SPTBN5: variants seen among roughly 807,000 people sequenced by gnomAD.
SPTBN5 encodes the protein spectrin beta, non-erythrocytic 5, also known as spectrin beta chain, non-erythrocytic 5.
SPTBN5 carries 513 observed loss-of-function variants against 477.6 expected under a neutral mutation model. That is an observed-to-expected ratio of 1.07 (90% CI 1.00 to 1.16). The LOEUF (loss-of-function observed/expected upper bound fraction) is 1.16, where lower values mean the gene tolerates loss of function less well. Ranked by LOEUF, SPTBN5 falls within the 50% of genes most tolerant of loss-of-function variation. The pLI, the probability that SPTBN5 is intolerant of heterozygous loss-of-function variation, is 0.00. For synonymous variants in SPTBN5, 2,169 were observed against 2,011.7 expected (o/e 1.08, Z -2.09); for missense variants, 5,062 against 4,731.8 (o/e 1.07, Z -2.05).
rs1489179240 is a variant in SPTBN5, at chr15:41,854,113, C to A, written c.9711G>T (p.Gly3237=). 1.9e-6 allele frequency: 3 copies of A among 1,587,872 alleles called. No individual in the cohort carries two copies. The African/African-American group carries it at 4.0e-5, about 21-fold the overall frequency. ...RMQEKTALMK[G]EDGGHSLSSV... Reference sequence around the variant, plus strand: ...ATGACAGGCTGTGGCCTCCGTCCTCCCCCTTCATCAGGGCCGTCTTCTCCT... The same window carrying A: ...ATGACAGGCTGTGGCCTCCGTCCTCACCCTTCATCAGGGCCGTCTTCTCCT... The change falls in exon 57 of 68, where the codon GGG becomes GGT. Residue 3237 remains glycine (G), a synonymous_variant. Transcript: ENST00000320955.
In SPTBN5 at chr15:41,848,586, CT is replaced by C; in HGVS notation, c.*29del. On this transcript the variant is annotated 3_prime_UTR_variant, in exon 68 of 68. Transcript: ENST00000320955. ...CTTAGATGTGTCCTCGCTTGTGCCC[CT>C]GAAGTTTGGTGTTGCACTGGGGTTC... The C allele has an allele frequency of 6.2e-7, 1 of 1,613,852 alleles. No individual in the cohort carries two copies. The highest frequency in any genetic ancestry group is 8.5e-7 in the Non-Finnish European group (1 of 1,179,762).
intron 7 of SPTBN5, among the ~76,000 whole-genome samples, chr15:41,883,741 T>A (rs758530163): frequency 1.3e-5 from 2 of 151,840 alleles, no homozygotes; most frequent in Non-Finnish European, 2.9e-5. Flanking sequence ...TTGGATGCAG[T>A]CCCCATTTCA....
At position 41,852,216 on chromosome 15, in the gene SPTBN5, A is replaced by T; in HGVS notation, c.10550T>A (p.Leu3517Gln). The change falls in exon 62 of 68, where the codon CTA (leucine) becomes CAA (glutamine). Residue 3517 changes from leucine to glutamine, a missense_variant. Transcript: ENST00000320955. ...CCTCGTCTCAGCCAGCTGTGCTCCT[A>T]GCCCCTGGTGTCCAGAGGGCCTCCA... ...FQWRPSGHQG[L>Q]GAQLAETRDP... 1.2e-6 allele frequency: 2 copies of T among 1,607,444 alleles called. No individual in the cohort carries two copies. The highest frequency in any genetic ancestry group is 1.7e-6 in the Non-Finnish European group (2 of 1,175,840).
intron 64 of SPTBN5, 53 bp from the exon 65 acceptor site, chr15:41,851,203 T>C: frequency 2.5e-6 from 4 of 1,585,830 alleles, no homozygotes; most frequent in Non-Finnish European, 3.4e-6. Flanking sequence ...CTTTTCCCTG[T>C]GGGGTCCCTC....
Position 41,850,852 on chromosome 15 carries a change from A to G in SPTBN5, c.10921+2T>C, listed in dbSNP as rs918152719. ...TCCCCGCATCCTTCCCCTGAAGCCC[A>G]CCTGCAGTGCTGCCCAGGGCTCGCC... On this transcript the variant is annotated splice_donor_variant, in intron 66 of 67. Transcript: ENST00000320955. LOFTEE classifies it high-confidence loss of function. 1.9e-6 allele frequency: 3 copies of G among 1,592,360 alleles called. No homozygotes were observed. The highest frequency in any genetic ancestry group is 1.1e-5 in the South Asian group (1 of 87,278).
rs528628368 is a variant in SPTBN5, at chr15:41,858,956, G to A, written c.8013C>T (p.Ala2671=). ...LLRKEALFRQ[A]GTRRHRLEEL... ...CCTCCAGGCGATGGCGGCGGGTCCCGGCTTGCCTGAAGAGCGCCTCCTTCC... is the reference window on the plus strand; with the variant it reads ...CCTCCAGGCGATGGCGGCGGGTCCCAGCTTGCCTGAAGAGCGCCTCCTTCC... The change falls in exon 48 of 68, where the codon GCC becomes GCT. Residue 2671 remains alanine (A), a synonymous_variant. Coordinates refer to ENST00000320955, the MANE Select transcript of SPTBN5 (RefSeq NM_016642.4). The A allele has an allele frequency of 6.0e-5, 95 of 1,581,586 alleles. No individual in the cohort carries two copies. Among genetic ancestry groups the A allele is most frequent in the Middle Eastern group, 3.9e-4 (2 of 5,074 alleles).
In SPTBN5 at chr15:41,868,391, G is replaced by T. The variant is rs574778299; in HGVS notation, c.6057+7C>A. 6.3e-7 allele frequency: 1 copy of T among 1,596,380 alleles called. No homozygotes were observed. The highest frequency in any genetic ancestry group is 1.1e-5 in the South Asian group (1 of 90,254). ...GGTATGTGGGGGCACCAGGGGAGGG[G>T]GCCCACCTCCTTGGTGGGTGTCCCT... On this transcript the variant is annotated splice_region_variant and intron_variant, in intron 33 of 67. Coordinates refer to ENST00000320955, the MANE Select transcript of SPTBN5 (RefSeq NM_016642.4).
chr15:41,854,433 C>T (rs1036227133), intron 56 of SPTBN5, among the ~76,000 whole-genome samples: 61 of 151,900 alleles, frequency 4.0e-4, no homozygotes, highest in African/African-American at 1.1e-3. Context: ...GAGAGGGCCT[C>T]GTGCATCTCA....
intron 44 of SPTBN5, 58 bp downstream of exon 44, chr15:41,862,072 G>T (rs1022817028): frequency 1.4e-6 from 2 of 1,392,296 alleles, no homozygotes; most frequent in African/African-American, 2.9e-5. Flanking sequence ...ATGAGAGGAA[G>T]GGGAGGGCAG....
In SPTBN5 at chr15:41,882,454, C is replaced by T. The variant is rs2066997722; in HGVS notation, c.2062G>A (p.Val688Ile). Residue 688 changes from valine to isoleucine, a missense_variant, in exon 11 of 68, where the codon GTC (valine) becomes ATC (isoleucine). By Grantham distance (29) the Val-to-Ile change is conservative. Transcript: ENST00000320955. ...ACGCACACGGCCTGGTGGCGGTGGACCTCAGCTTCCAGGGCCTAGCGGGGG... is the reference window on the plus strand; with the variant it reads ...ACGCACACGGCCTGGTGGCGGTGGATCTCAGCTTCCAGGGCCTAGCGGGGG... ...LQKHKALEAE[V>I]HRHQAVCVDL... is the part of the protein sequence containing the mutation. 5.8e-6 allele frequency: 9 copies of T among 1,552,914 alleles called. No homozygotes were observed. Among genetic ancestry groups the T allele is most frequent in the Non-Finnish European group, 7.8e-6 (9 of 1,155,572 alleles).
At chr15:41,850,233 T>C (rs2065706630) in intron 66 of SPTBN5, 1 of 452,748 alleles carries the variant, frequency 2.2e-6, no homozygotes, top group Non-Finnish European at 4.1e-6. Context: ...GTCGAACAAC[T>C]CAAGATCCCT....
chr15:41,848,577 C>T lies in SPTBN5; in HGVS notation c.*39G>A. 1 of 1,613,506 alleles carries T rather than the reference C, an allele frequency of 6.2e-7. No homozygotes were observed. Among genetic ancestry groups the T allele is most frequent in the Non-Finnish European group, 8.5e-7 (1 of 1,179,454 alleles). On this transcript the variant is annotated 3_prime_UTR_variant, in exon 68 of 68. Coordinates refer to ENST00000320955, the MANE Select transcript of SPTBN5 (RefSeq NM_016642.4). ...TTCTGGTCCCTTAGATGTGTCCTCG[C>T]TTGTGCCCCTGAAGTTTGGTGTTGC...
chr15:41,864,145 G>GTGGGAGGAACTGCATATTTGGGCAT, intron 39 of SPTBN5, 121 bp from the exon 40 acceptor site: 1 of 863,260 alleles, frequency 1.2e-6, no homozygotes. Flanking sequence ...TATTTGGGCA[G>GTGGGAGGAACTGCATATTTGGGCAT]TGGGAAGAAC....
rs775341210 is a variant in SPTBN5, at chr15:41,876,662, G to A, written c.3852-15C>T. On this transcript the variant is annotated splice_polypyrimidine_tract_variant and intron_variant, in intron 19 of 67. Coordinates refer to ENST00000320955, the MANE Select transcript of SPTBN5 (RefSeq NM_016642.4). ...GCTCTCTGACCCTGGAGGGCGGGGG[G>A]GGGTTGGAGGAGGGCATGGGAGAGG... The A allele has an allele frequency of 1.4e-6, 2 of 1,436,910 alleles. No individual in the cohort carries two copies. Among genetic ancestry groups the A allele is most frequent in the Non-Finnish European group, 1.9e-6 (2 of 1,033,334 alleles). The allele number at this position is 1,436,910 out of a possible 1,614,324, so 89.0% of individuals were successfully genotyped here.
At position 41,857,598 on chromosome 15, in the gene SPTBN5, A is replaced by T. The variant is rs1055723670; in HGVS notation, c.8339T>A (p.Val2780Glu). The T allele has an allele frequency of 6.2e-7, 1 of 1,608,600 alleles. No individual in the cohort carries two copies. The highest frequency in any genetic ancestry group is 8.5e-7 in the Non-Finnish European group (1 of 1,177,742). The change falls in exon 50 of 68, where the codon GTG becomes GAG. Residue 2780 changes from valine (V) to glutamate (E), a missense_variant. Transcript: ENST00000320955. ...GELQDNSQKK[V>E]AKLQKACEAL... ...CTCACAGGCCTTCTGGAGCTTGGCC[A>T]CCTTCTTCTGGGAGTTGTCTTGCAG...
In SPTBN5 at chr15:41,857,017, G is replaced by A. The variant is rs993417103; in HGVS notation, c.8644C>T (p.Leu2882=). 22 of 1,605,278 alleles carry A rather than the reference G, an allele frequency of 1.4e-5. No individual in the cohort carries two copies. The highest frequency in any genetic ancestry group is 1.8e-5 in the Non-Finnish European group (21 of 1,176,706). The change falls in exon 52 of 68, where the codon CTG becomes TTG. Residue 2882 remains leucine, a synonymous_variant. Transcript: ENST00000320955. Reference sequence around the variant, plus strand: ...TCCAGGGCCGTCCTGCGCTCCTGCAGGGGCTCCCTCAGGCTCTTGAACCTG... The same window carrying A: ...TCCAGGGCCGTCCTGCGCTCCTGCAAGGGCTCCCTCAGGCTCTTGAACCTG... ...LQRFKSLREP[L]QERRTALEAR...
intron 53 of SPTBN5, 74 bp from the exon 54 acceptor site, chr15:41,855,819 A>C: frequency 9.9e-6 from 14 of 1,420,152 alleles, no homozygotes; most frequent in Non-Finnish European, 1.3e-5. Flanking sequence ...CACGATTCTC[A>C]GCCTGGCTGC....
Position 41,855,208 on chromosome 15 carries a change from C to A in SPTBN5, c.9423+16G>T. The A allele has an allele frequency of 6.2e-7, 1 of 1,601,036 alleles. No homozygotes were observed. The highest frequency in any genetic ancestry group is 8.5e-7 in the Non-Finnish European group (1 of 1,171,204). ...CTCTGCCCACTCCCCGTGAGGTTTG[C>A]TCAGGAGTAACTCACCTTGACACCC... is the stretch of plus-strand genomic sequence containing the variant. On this transcript the variant is annotated intron_variant, in intron 55 of 67. Transcript: ENST00000320955.
chr15:41,869,979 C>A lies in SPTBN5; in HGVS notation c.5715G>T (p.Leu1905=). 1 of 1,533,308 alleles carries A rather than the reference C, an allele frequency of 6.5e-7. No individual in the cohort carries two copies. Among genetic ancestry groups the A allele is most frequent in the Non-Finnish European group, 8.8e-7 (1 of 1,138,316 alleles). 95.0% of individuals were successfully genotyped at this position (1,533,308 alleles called of 1,614,324 possible). A position where few individuals can be genotyped will look rare whatever the true frequency, so the allele number is the denominator to read the frequency against. ...CCGCATGGGCCTGAGGCCCCGGACACAGCTTCTGCACCCTGCCTGCAGTCT... is the reference window on the plus strand; with the variant it reads ...CCGCATGGGCCTGAGGCCCCGGACAAAGCTTCTGCACCCTGCCTGCAGTCT... ...LLETAGRVQK[L]CPGPQAHAVQ... The change falls in exon 32 of 68, where the codon CTG becomes CTT. Residue 1905 remains leucine, a synonymous_variant. Transcript: ENST00000320955.
Sources: gnomAD v4.1 joint callset for allele counts (sites outside exome capture counted in the v4.1 genomes callset) on GRCh38, gnomAD v4.1.1 for gene constraint, MANE v1.5 for transcripts, NCBI Gene and HGNC (gene_info 2026-07-23, HGNC 2026-07-21) for gene names.